ANKRD28: variants seen among roughly 807,000 people sequenced by gnomAD.
The protein encoded by ANKRD28 is ankyrin repeat domain 28.
Under a neutral mutation model 126.5 loss-of-function variants are expected in ANKRD28, and 44 were observed. The ratio of observed to expected loss-of-function variants is 0.35; its 90% CI spans 0.27 to 0.45. ANKRD28 has a LOEUF of 0.45. Among genes scored for constraint, ANKRD28 ranks in the 20% least tolerant of loss-of-function variants. The pLI, the probability that ANKRD28 is intolerant of heterozygous loss-of-function variation, is 1.00. For synonymous variants in ANKRD28, 442 were observed against 468.5 expected, an observed-to-expected ratio of 0.94 and a Z score of 0.73; for missense variants, 1,110 against 1,316.6, an observed-to-expected ratio of 0.84 and a Z score of 2.43.
chr3:15,729,614 G>A (rs1031316149), intron 6 of ANKRD28, among the ~76,000 whole-genome samples: 7 of 152,082 alleles, frequency 4.6e-5, no homozygotes, highest in East Asian at 1.9e-4. Context: ...GAAATTGCTC[G>A]TGATGTCATT....
At chr3:15,685,949 G>T in intron 20 of ANKRD28, 53 bp downstream of exon 20, 1 of 1,359,650 alleles carries the variant, frequency 7.4e-7, no homozygotes. Flanking sequence ...TCAGTTCTAG[G>T]TAATATGAGG....
chr3:15,849,521 T>C (rs1340735349), intron 1 of ANKRD28, among the ~76,000 whole-genome samples: 1 of 152,178 alleles, frequency 6.6e-6, no homozygotes, highest in Non-Finnish European at 1.5e-5. Flanking sequence ...ACCTGTCTCT[T>C]CCTACACGCA....
chr3:15,803,181 A>G (rs899487879), intron 1 of ANKRD28, among the ~76,000 whole-genome samples: 5 of 152,210 alleles, frequency 3.3e-5, no homozygotes, highest in African/African-American at 1.2e-4. Context: ...TTTTGCTTTA[A>G]AAACATTATG....
intron 1 of ANKRD28, among the ~76,000 whole-genome samples, chr3:15,852,832 CA>C (rs71064237): frequency 0.041 from 2,632 of 63,916 alleles, 27 homozygotes; most frequent in African/African-American, 0.15. Context: ...GACTCTGTCT[CA>C]AAAAAAAAAA....
chr3:15,756,308 C>G (rs536288482), intron 3 of ANKRD28, among the ~76,000 whole-genome samples: 16 of 152,296 alleles, frequency 1.1e-4, no homozygotes, highest in Middle Eastern at 3.4e-3. Context: ...ATAGGAAAAC[C>G]CAGCTAATCA....
In ANKRD28 at chr3:15,821,522, A is replaced by G. The variant is rs984936371; in HGVS notation, c.28-26216T>C. Among the ~76,000 whole-genome samples, 5 of 152,310 alleles carry G rather than the reference A, an allele frequency of 3.3e-5. No individual in the cohort carries two copies. In the East Asian group the frequency reaches 7.7e-4, roughly 24 times the overall value. On this transcript the variant is annotated intron_variant, in intron 1 of 27. Transcript: ENST00000399451. Reference sequence around the variant, plus strand: ...TCAAAAAAGTGGGAATAACATCACAATATATAGCAGAATAAGAACTCCAAA... The same window carrying G: ...TCAAAAAAGTGGGAATAACATCACAGTATATAGCAGAATAAGAACTCCAAA...
rs1405012928 is a variant in ANKRD28 at position 15,680,909 on chromosome 3, T to G, written c.2390-1346A>C. Among the ~76,000 whole-genome samples, 3 of 152,238 alleles carry G rather than the reference T, an allele frequency of 2.0e-5. No homozygotes were observed. The East Asian group carries it at 5.8e-4, about 29-fold the overall frequency. ...CTTGAATCCCAGAGCTCAAGTGATC[T>G]GCCTGCCTCAGCCTCCTAAAATGCT... is the stretch of plus-strand genomic sequence containing the variant. On this transcript the variant is annotated intron_variant, in intron 21 of 27. Coordinates refer to ENST00000683139, the MANE Select transcript of ANKRD28 (RefSeq NM_001349278.2).
chr3:15,778,777 G>C (rs1003178567), intron 2 of ANKRD28, among the ~76,000 whole-genome samples: 2 of 152,278 alleles, frequency 1.3e-5, no homozygotes, highest in Admixed American at 6.5e-5. Context: ...ATATGGTTTG[G>C]CTCTGTATCC....
Position 15,797,957 on chromosome 3 carries a change from CAT to C in ANKRD28, c.-1438_-1437del, listed in dbSNP as rs1489793364. 4.6e-5 allele frequency: 45 copies of C among 985,340 alleles called. No individual in the cohort carries two copies. The highest frequency in any genetic ancestry group is 1.2e-4 in the Admixed American group (2 of 16,266). 61.0% of individuals were successfully genotyped at this position (985,340 alleles called of 1,614,324 possible). A position where few individuals can be genotyped will look rare whatever the true frequency, so the allele number is the denominator to read the frequency against. ...AGGATGAAATGCCTAGTAATGCTCA[CAT>C]GTTACACTTACCAGAGATCTGAGCT... On this transcript the variant is annotated 5_prime_UTR_variant, in exon 1 of 28. An upstream start codon of the reference 5' UTR is lost. Transcript: ENST00000683139.
chr3:15,776,958 C>G (rs1415578221), intron 2 of ANKRD28, among the ~76,000 whole-genome samples: 1 of 152,072 alleles, frequency 6.6e-6, no homozygotes, highest in African/African-American at 2.4e-5. Flanking sequence ...GTTTTGTTCT[C>G]CTGAACTAAT....
In ANKRD28 at chr3:15,843,078, A is replaced by G. The variant is rs570366752; in HGVS notation, c.27+16299T>C. On this transcript the variant is annotated intron_variant, in intron 1 of 27. Transcript: ENST00000399451. The surrounding 1 kb of genome is among the most constrained non-coding windows in gnomAD (Gnocchi z 5.2). ...AGGTTTAACTGGCTCATCCTTTTGC[A>G]GGCTATACAGGAATCATAGTGGTAT... Among the ~76,000 whole-genome samples the G allele has an allele frequency of 6.6e-6, 1 of 152,340 alleles. No homozygotes were observed. The highest frequency in any genetic ancestry group is 1.9e-4 in the East Asian group (1 of 5,184).
chr3:15,685,500 C>T (rs2068006809), intron 20 of ANKRD28, 55 bp from the exon 21 acceptor site: 3 of 1,530,506 alleles, frequency 2.0e-6, no homozygotes, highest in East Asian at 2.3e-5. Context: ...CATTACATGC[C>T]AATTTCAGCT....
chr3:15,822,185 A>T (rs1314993463), intron 1 of ANKRD28, among the ~76,000 whole-genome samples: 1 of 152,234 alleles, frequency 6.6e-6, no homozygotes, highest in East Asian at 1.9e-4. Context: ...CTGCGCAAGT[A>T]AAAAGTGAAG....
chr3:15,823,028 T>C (rs947685551), intron 1 of ANKRD28, among the ~76,000 whole-genome samples: 2 of 152,186 alleles, frequency 1.3e-5, no homozygotes, highest in Non-Finnish European at 2.9e-5. Flanking sequence ...CTATCAAAAC[T>C]GACCCAAGAA....
At chr3:15,849,661 C>T (rs771701554) in intron 1 of ANKRD28, among the ~76,000 whole-genome samples, 2 of 152,104 alleles carry the variant, frequency 1.3e-5, no homozygotes, top group Non-Finnish European at 2.9e-5. Flanking sequence ...AGGAAGTAAT[C>T]CTTATCTTCT....
chr3:15,712,542 A>G (rs185242770), intron 10 of ANKRD28, among the ~76,000 whole-genome samples: 1 of 152,308 alleles, frequency 6.6e-6, no homozygotes, highest in Non-Finnish European at 1.5e-5. Flanking sequence ...TGTCATTAAC[A>G]TTAACACCTT....
intron 23 of ANKRD28, among the ~76,000 whole-genome samples, chr3:15,678,970 A>C (rs1387269371): frequency 2.6e-5 from 4 of 152,130 alleles, no homozygotes; most frequent in Non-Finnish European, 5.9e-5. Context: ...ATTGAAAATA[A>C]AACCTTTTTG....
At chr3:15,687,432 T>C (rs1308339631) in intron 18 of ANKRD28, among the ~76,000 whole-genome samples, 1 of 152,064 alleles carries the variant, frequency 6.6e-6, no homozygotes, top group Non-Finnish European at 1.5e-5. Flanking sequence ...CAAGTAGAAG[T>C]AGTCCAAAGA....
intron 2 of ANKRD28, among the ~76,000 whole-genome samples, chr3:15,790,773 T>C (rs1451437253): frequency 6.6e-6 from 1 of 152,096 alleles, no homozygotes; most frequent in African/African-American, 2.4e-5. Context: ...AACATAGTAC[T>C]GGAAGTCCTA....
Sources: allele counts gnomAD v4.1 joint callset (sites outside exome capture counted in the v4.1 genomes callset), GRCh38; gene constraint gnomAD v4.1.1; non-coding constraint Gnocchi (gnomAD v3.1); transcripts MANE v1.5; gene names NCBI Gene and HGNC (gene_info 2026-07-23, HGNC 2026-07-21).